Variants in PRCP observed in about 807,000 individuals in gnomAD.
PRCP encodes lysosomal Pro-X carboxypeptidase.
In PRCP, 46 loss-of-function variants were observed where a neutral mutation model predicts 54.2. The ratio of observed to expected loss-of-function variants is 0.85; its 90% confidence interval spans 0.67 to 1.09. The LOEUF (loss-of-function observed/expected upper bound fraction) is 1.09, where lower values mean the gene tolerates loss of function less well. Ranked by LOEUF, PRCP falls within the 50% of genes least tolerant of loss-of-function variation. The pLI is 0.00. For missense variants in PRCP, 613 were observed against 596.8 expected (o/e 1.03, Z -0.28); for synonymous variants, 240 against 212.2 (o/e 1.13, Z -1.14).
intron 2 of PRCP, among the ~76,000 whole-genome samples, chr11:82,857,746 A>T (rs1859124845): frequency 6.6e-6 from 1 of 152,230 alleles, no homozygotes; most frequent in South Asian, 2.1e-4. Context: ...ATATGCATGT[A>T]AGGATAGAGA....
chr11:82,879,347 C>T (rs1458853230), intron 1 of PRCP, among the ~76,000 whole-genome samples: 1 of 152,150 alleles, frequency 6.6e-6, no homozygotes, highest in Non-Finnish European at 1.5e-5. Flanking sequence ...GCATGCATCA[C>T]GTAGTTCTCG....
chr11:82,859,390 G>C (rs1859158577), intron 2 of PRCP, among the ~76,000 whole-genome samples: 1 of 151,892 alleles, frequency 6.6e-6, no homozygotes, highest in Non-Finnish European at 1.5e-5. Context: ...ATTTGCACTG[G>C]CTTTGTTTAG....
intron 3 of PRCP, among the ~76,000 whole-genome samples, chr11:82,850,899 A>C (rs113673697): frequency 0.019 from 2,964 of 152,346 alleles, 90 homozygotes; most frequent in African/African-American, 0.067. Context: ...AATTGAGGTA[A>C]GAATCACCAG....
chr11:82,881,835 A>T (rs1287485731), intron 1 of PRCP, among the ~76,000 whole-genome samples: 2 of 152,158 alleles, frequency 1.3e-5, no homozygotes, highest in African/African-American at 2.4e-5. Flanking sequence ...GATTAGGGGC[A>T]CCAACCCACC....
chr11:82,846,348 G>A (rs1288329985), intron 6 of PRCP, among the ~76,000 whole-genome samples: 1 of 152,010 alleles, frequency 6.6e-6, no homozygotes, highest in Non-Finnish European at 1.5e-5. Flanking sequence ...ACAAGTTTGG[G>A]AGGGAGACGT....
intron 1 of PRCP, among the ~76,000 whole-genome samples, chr11:82,874,470 C>T (rs1859553663): frequency 6.6e-6 from 1 of 152,136 alleles, no homozygotes; most frequent in South Asian, 2.1e-4. Context: ...GCTGGCAGAT[C>T]ACTTGAGCCA....
At chr11:82,887,456 CAT>C (rs1274295620) in intron 1 of PRCP, among the ~76,000 whole-genome samples, 1 of 152,204 alleles carries the variant, frequency 6.6e-6, no homozygotes, top group Non-Finnish European at 1.5e-5. Flanking sequence ...TATCAACTAT[CAT>C]AGAGTGATAC....
intron 1 of PRCP, among the ~76,000 whole-genome samples, chr11:82,898,051 T>C (rs1017070443): frequency 3.3e-5 from 5 of 152,222 alleles, no homozygotes; most frequent in African/African-American, 9.6e-5. Flanking sequence ...AGTTCACACA[T>C]AGTCCTAACT....
chr11:82,848,958 C>T lies in PRCP; in HGVS notation c.921+91G>A. ...GACAAACTCTGGAGCCCCTTTGTCACTGGGACTTTCTCTGAGGCAGAAAGT... is the reference window on the plus strand; with the variant it reads ...GACAAACTCTGGAGCCCCTTTGTCATTGGGACTTTCTCTGAGGCAGAAAGT... On this transcript the variant is annotated intron_variant, in intron 6 of 8. Coordinates refer to ENST00000313010, the MANE Select transcript of PRCP (RefSeq NM_005040.4). 3.7e-6 allele frequency: 5 copies of T among 1,339,006 alleles called. 1 individual carries two copies. The highest frequency in any genetic ancestry group is 5.1e-6 in the Non-Finnish European group (5 of 980,720). 82.9% of individuals were successfully genotyped at this position (1,339,006 alleles called of 1,614,324 possible).
chr11:82,825,508 G>C (rs1395782460), intron 8 of PRCP: 1 of 200,990 alleles, frequency 5.0e-6, no homozygotes, highest in East Asian at 1.4e-4. Context: ...AGTGGCTCAT[G>C]CCTGTAATCT....
intron 1 of PRCP, among the ~76,000 whole-genome samples, chr11:82,868,345 A>T (rs776448671): frequency 2.5e-4 from 38 of 152,342 alleles, no homozygotes; most frequent in South Asian, 4.1e-4. Context: ...TCTTTCATTT[A>T]AAAATACTTA....
rs147756047 is a variant in PRCP at position 82,833,196 on chromosome 11, G to A, written c.1274+5191C>T. ...CAGAGATGATTAAGATGAAGTCCCT[G>A]CCAGTGATAAATTCACAATCTCATG... On this transcript the variant is annotated intron_variant, in intron 8 of 8. Transcript: ENST00000313010. Among the ~76,000 whole-genome samples the A allele has an allele frequency of 1.0e-3, 153 of 152,292 alleles. 1 individual carries two copies. Among genetic ancestry groups the A allele is most frequent in the African/African-American group, 3.6e-3 (148 of 41,562 alleles).
At chr11:82,844,747 A>AAAAAAAG (rs756222029) in intron 6 of PRCP, among the ~76,000 whole-genome samples, 82 of 136,076 alleles carry the variant, frequency 6.0e-4, no homozygotes, top group African/African-American at 2.3e-3. Context: ...AAAAAAAAAA[A>AAAAAAAG]AAAGAAAGAA....
chr11:82,877,655 T>C (rs1280958192), intron 1 of PRCP, among the ~76,000 whole-genome samples: 13 of 152,210 alleles, frequency 8.5e-5, no homozygotes, highest in African/African-American at 3.1e-4. Flanking sequence ...AAGTCAAGAA[T>C]TGAGGTTTGG....
At chr11:82,858,023 C>T (rs1269192871) in intron 2 of PRCP, among the ~76,000 whole-genome samples, 2 of 152,180 alleles carry the variant, frequency 1.3e-5, no homozygotes, top group Non-Finnish European at 2.9e-5. Flanking sequence ...TCATCCATTA[C>T]AATGTCCAGA....
chr11:82,865,123 G>A (rs917087042), intron 1 of PRCP, among the ~76,000 whole-genome samples: 12 of 152,276 alleles, frequency 7.9e-5, no homozygotes, highest in African/African-American at 2.6e-4. Flanking sequence ...GAAGGCTGAT[G>A]CTCAGAGAGG....
intron 1 of PRCP, among the ~76,000 whole-genome samples, chr11:82,891,122 TCTC>T (rs1482348807): frequency 6.6e-6 from 1 of 152,162 alleles, no homozygotes; most frequent in African/African-American, 2.4e-5. Context: ...AAGTTCCTCT[TCTC>T]CTTCCTTCCC....
At chr11:82,885,056 T>C (rs1304303462) in intron 1 of PRCP, among the ~76,000 whole-genome samples, 5 of 152,192 alleles carry the variant, frequency 3.3e-5, no homozygotes, top group Non-Finnish European at 7.4e-5. Context: ...TAAGAAACCA[T>C]GACTTGCAAA....
intron 8 of PRCP, among the ~76,000 whole-genome samples, chr11:82,834,153 C>T (rs1009492317): frequency 1.3e-5 from 2 of 152,212 alleles, no homozygotes; most frequent in African/African-American, 2.4e-5. Context: ...CGTCACCAGA[C>T]ACCAAACCTG....
Sources: allele counts gnomAD v4.1 joint callset (sites outside exome capture counted in the v4.1 genomes callset), GRCh38; gene constraint gnomAD v4.1.1; transcripts MANE v1.5; gene names NCBI Gene and HGNC (gene_info 2026-07-23, HGNC 2026-07-21).